The following MUCL1 variants were observed in gnomAD, a reference collection of about 807,000 sequenced individuals.
MUCL1 encodes the protein mucin like 1.
A neutral mutation model predicts 9.2 loss-of-function variants in MUCL1; 11 were observed. The observed-to-expected ratio is 1.19, with a 90% CI of 0.75 to 1.97. The LOEUF (loss-of-function observed/expected upper bound fraction) is 1.97. Ranked by LOEUF, MUCL1 falls within the 30% of genes most tolerant of loss-of-function variation. The probability of loss-of-function intolerance (pLI) is 0.00; values close to 1 mark genes in which losing one functional copy is unlikely to be tolerated. For synonymous variants in MUCL1, 48 were observed against 40.5 expected, an observed-to-expected ratio of 1.19 and a Z score of -0.71; for missense variants, 144 against 110.9, an observed-to-expected ratio of 1.30 and a Z score of -1.34.
chr12:54,833,546 C>T (rs1034328093), intron 1 of MUCL1, among the ~76,000 whole-genome samples: 8 of 151,858 alleles, frequency 5.3e-5, no homozygotes, highest in African/African-American at 1.2e-4. Context: ...TAAAGATATC[C>T]CCTTTTCTGA....
intron 1 of MUCL1, among the ~76,000 whole-genome samples, chr12:54,831,856 G>A (rs568325278): frequency 6.6e-6 from 1 of 151,992 alleles, no homozygotes; most frequent in African/African-American, 2.4e-5. Flanking sequence ...ACAGAATGCT[G>A]CCATGTAACA....
At chr12:54,836,003 T>C (rs925409975), upstream of MUCL1, among the ~76,000 whole-genome samples, 13 of 152,212 alleles carry the variant, frequency 8.5e-5, no homozygotes, top group African/African-American at 3.1e-4. Flanking sequence ...TTGAGGACTT[T>C]TGCATCTGTG....
intron 2 of MUCL1, among the ~76,000 whole-genome samples, chr12:54,855,877 C>T (rs547840032): frequency 6.6e-6 from 1 of 152,308 alleles, no homozygotes; most frequent in Admixed American, 6.5e-5. Context: ...ATATATTTTT[C>T]CTGCCATGTG....
At chr12:54,857,003 ATTG>A (rs1868306070) in intron 3 of MUCL1, 111 bp downstream of exon 3, 9 of 1,470,560 alleles carry the variant, frequency 6.1e-6, no homozygotes, top group African/African-American at 1.4e-5. Flanking sequence ...TCTTCTTTAC[ATTG>A]TTCTCTAAAT....
upstream of MUCL1, chr12:54,839,281 G>T: frequency 1.5e-6 from 1 of 681,008 alleles, no homozygotes; most frequent in East Asian, 2.7e-5. Flanking sequence ...GAGCAGGTGG[G>T]ATTGGAATGG....
chr12:54,840,038 T>A (rs1959202074), intron 1 of MUCL1, among the ~76,000 whole-genome samples: 1 of 151,778 alleles, frequency 6.6e-6, no homozygotes, highest in African/African-American at 2.4e-5. Context: ...CCCCTGCCCC[T>A]GGAAGTAAGA....
At chr12:54,846,898 T>C (rs1032183615) in intron 1 of MUCL1, among the ~76,000 whole-genome samples, 10 of 152,216 alleles carry the variant, frequency 6.6e-5, no homozygotes, top group Non-Finnish European at 1.2e-4. Context: ...TTTCTGGGAC[T>C]ATAGGATCTT....
intron 1 of MUCL1, among the ~76,000 whole-genome samples, chr12:54,833,384 T>C (rs1183945321): frequency 6.6e-6 from 1 of 152,150 alleles, no homozygotes; most frequent in African/African-American, 2.4e-5. Flanking sequence ...GAGATCCACA[T>C]ATCTTTACAG....
chr12:54,854,369 C>A (rs532098162), upstream of MUCL1: 51 of 533,114 alleles, frequency 9.6e-5, no homozygotes, highest in African/African-American at 9.2e-4. Flanking sequence ...AATTCACAAC[C>A]TTTCCAAAGG....
chr12:54,858,154 T>A (rs2135948118), intron 3 of MUCL1, 39 bp from the exon 4 acceptor site: 1 of 1,611,938 alleles, frequency 6.2e-7, no homozygotes, highest in East Asian at 2.2e-5. Flanking sequence ...TTCTTCATCC[T>A]TTGTCGAAGC....
At chr12:54,853,295 C>T (rs893605674), upstream of MUCL1, among the ~76,000 whole-genome samples, 14 of 152,210 alleles carry the variant, frequency 9.2e-5, no homozygotes, top group African/African-American at 1.4e-4. Flanking sequence ...TCTTTGAGGC[C>T]TCAGTTGGGT....
chr12:54,852,598 G>T (rs1044499948), upstream of MUCL1, among the ~76,000 whole-genome samples: 1 of 152,146 alleles, frequency 6.6e-6, no homozygotes, highest in Non-Finnish European at 1.5e-5. Context: ...GATCTCTTAA[G>T]GGGACCCTAA....
intron 1 of MUCL1, chr12:54,830,905 A>G (rs1175290939): frequency 2.6e-5 from 4 of 152,352 alleles, no homozygotes; most frequent in Non-Finnish European, 5.9e-5. Flanking sequence ...AAACAGCTTC[A>G]TAATAATTCA....
chr12:54,839,832 A>T (rs1180884553), intron 1 of MUCL1, among the ~76,000 whole-genome samples: 3 of 152,054 alleles, frequency 2.0e-5, no homozygotes, highest in African/African-American at 7.2e-5. Context: ...CAACTGTGTC[A>T]CCTGTGGTGG....
chr12:54,850,461 C>G (rs550780599), upstream of MUCL1, among the ~76,000 whole-genome samples: 59 of 152,030 alleles, frequency 3.9e-4, no homozygotes, highest in Non-Finnish European at 5.7e-4. Flanking sequence ...TTTCCAGCTT[C>G]ATCCATGTCC....
chr12:54,856,010 G>A (rs1868296341), intron 2 of MUCL1, among the ~76,000 whole-genome samples: 1 of 152,224 alleles, frequency 6.6e-6, no homozygotes, highest in Admixed American at 6.5e-5. Flanking sequence ...TGTGGGGCCT[G>A]ACTCTTGATC....
At chr12:54,839,373 A>G in exon 1 of MUCL1, 1 of 701,370 alleles carries the variant, frequency 1.4e-6, no homozygotes, top group Non-Finnish European at 2.6e-6. Flanking sequence ...TATTTTATTT[A>G]CTGGATTGAA....
intron 2 of MUCL1, among the ~76,000 whole-genome samples, 165 bp from the exon 3 acceptor site, chr12:54,856,605 G>A (rs188372115): frequency 1.3e-5 from 2 of 152,306 alleles, no homozygotes; most frequent in East Asian, 3.9e-4. Context: ...GACAGGGAAG[G>A]ATGAAGCACA....
upstream of MUCL1, among the ~76,000 whole-genome samples, chr12:54,851,098 T>C (rs1006716200): frequency 2.0e-5 from 3 of 152,244 alleles, no homozygotes; most frequent in East Asian, 1.9e-4. Context: ...AATTTTCTCC[T>C]ATTCTGTAGG....
Sources: gnomAD v4.1 joint callset for allele counts (sites outside exome capture counted in the v4.1 genomes callset) on GRCh38, gnomAD v4.1.1 for gene constraint, MANE v1.5 for transcripts, NCBI Gene and HGNC (gene_info 2026-07-23, HGNC 2026-07-21) for gene names.